MAML2: variants seen among roughly 807,000 people sequenced by gnomAD.
MAML2 encodes mastermind like transcriptional coactivator 2, also known as mastermind-like protein 2.
In MAML2, 22 loss-of-function variants were observed where a neutral mutation model predicts 96.1. The observed-to-expected ratio is 0.23, with a 90% confidence interval of 0.16 to 0.33. The LOEUF (loss-of-function observed/expected upper bound fraction) is 0.33. Among genes scored for constraint, MAML2 ranks in the 10% least tolerant of loss-of-function variants. MAML2 has a pLI of 1.00. For synonymous variants in MAML2, 561 were observed against 521.3 expected (o/e 1.08, Z -1.04); for missense variants, 1,367 against 1,392.4 (o/e 0.98, Z 0.29).
chr11:96,302,683 CTT>C (rs1406716989), intron 1 of MAML2, among the ~76,000 whole-genome samples: 11 of 152,280 alleles, frequency 7.2e-5, no homozygotes, highest in South Asian at 2.1e-4. Flanking sequence ...TATTTTCAGA[CTT>C]TTCTTGGGTT....
chr11:96,227,881 C>G (rs181335257), intron 1 of MAML2, among the ~76,000 whole-genome samples: 1 of 152,144 alleles, frequency 6.6e-6, no homozygotes, highest in Non-Finnish European at 1.5e-5. Flanking sequence ...GCAAGCAGAT[C>G]GCTTCAGCCC....
intron 2 of MAML2, among the ~76,000 whole-genome samples, chr11:95,996,572 T>C (rs919193036): frequency 6.6e-6 from 1 of 152,174 alleles, no homozygotes; most frequent in African/African-American, 2.4e-5. Context: ...TTGTAAAAGA[T>C]TTTTAAATCT....
chr11:96,321,026 C>G (rs1423536865), intron 1 of MAML2, among the ~76,000 whole-genome samples: 1 of 151,724 alleles, frequency 6.6e-6, no homozygotes, highest in African/African-American at 2.4e-5. Context: ...CAGCAACATG[C>G]CTTCAAATAG....
chr11:96,029,280 C>T (rs1858574014), intron 2 of MAML2, among the ~76,000 whole-genome samples: 1 of 151,310 alleles, frequency 6.6e-6, no homozygotes, highest in African/African-American at 2.4e-5. Context: ...TTAACTGGTG[C>T]TCATCTTGTT....
intron 1 of MAML2, among the ~76,000 whole-genome samples, chr11:96,217,715 G>A (rs886826758): frequency 4.6e-5 from 7 of 152,170 alleles, no homozygotes; most frequent in Admixed American, 3.9e-4. Flanking sequence ...TGGAGTGAAC[G>A]CCTTTTGAAA....
intron 3 of MAML2, among the ~76,000 whole-genome samples, chr11:95,991,204 C>G (rs1857904322): frequency 6.6e-6 from 1 of 152,060 alleles, no homozygotes; most frequent in African/African-American, 2.4e-5. Context: ...CTGTTTCTGC[C>G]CCTTAAGCCT....
At chr11:96,133,032 T>C (rs1398066594) in intron 1 of MAML2, among the ~76,000 whole-genome samples, 3 of 152,204 alleles carry the variant, frequency 2.0e-5, no homozygotes. Flanking sequence ...TCTCATTCAA[T>C]AATATATAGT....
chr11:96,140,164 G>C lies in MAML2; in HGVS notation c.514-46647C>G, dbSNP rs1336611131. 4.6e-5 allele frequency among the ~76,000 whole-genome samples: 7 copies of C among 152,194 alleles called. No homozygotes were observed. In the South Asian group the frequency reaches 6.2e-4, roughly 14 times the overall value. ...GTTATTAGTGCCCAGGCATTGGCAT[G>C]GTTCATCTGGTACTCCATTAGACTT... On this transcript the variant is annotated intron_variant, in intron 1 of 4. Coordinates refer to ENST00000524717, the MANE Select transcript of MAML2 (RefSeq NM_032427.4).
At chr11:96,315,334 A>G (rs1001950075) in intron 1 of MAML2, among the ~76,000 whole-genome samples, 4 of 152,168 alleles carry the variant, frequency 2.6e-5, no homozygotes, top group Admixed American at 2.0e-4. Context: ...TCCCTAAATA[A>G]TCCATTTTGG....
At chr11:96,070,212 C>A (rs1360479069) in intron 2 of MAML2, among the ~76,000 whole-genome samples, 1 of 151,952 alleles carries the variant, frequency 6.6e-6, no homozygotes. Context: ...ATGGCGTGAA[C>A]CCGGAAGGCA....
intron 1 of MAML2, among the ~76,000 whole-genome samples, chr11:96,118,313 C>A (rs2155229): frequency 1.3e-4 from 20 of 152,062 alleles, no homozygotes; most frequent in African/African-American, 4.6e-4. Context: ...TTGTAATCCC[C>A]ATGGTGATTG....
intron 2 of MAML2, among the ~76,000 whole-genome samples, chr11:96,075,248 C>T (rs527650988): frequency 6.6e-6 from 1 of 152,282 alleles, no homozygotes; most frequent in South Asian, 2.1e-4. Flanking sequence ...TGGTAGCAAA[C>T]TTGAAATGTA....
rs889814469 is a variant in MAML2, at chr11:95,978,359, A to C, written c.*589T>G. ...GGGAAAATTGTAAAAGTGAGGAGTG[A>C]ATATGGGGAAGAAATTCTGTAATCC... On this transcript the variant is annotated 3_prime_UTR_variant, in exon 5 of 5. Transcript: ENST00000524717. The C allele has an allele frequency of 5.1e-6, 1 of 197,542 alleles. No individual in the cohort carries two copies. The highest frequency in any genetic ancestry group is 1.9e-4 in the South Asian group (1 of 5,210). The allele number at this position is 197,542 out of a possible 1,614,324, so 12.2% of individuals were successfully genotyped here. A position where few individuals can be genotyped will look rare whatever the true frequency, so the allele number is the denominator to read the frequency against.
intron 1 of MAML2, among the ~76,000 whole-genome samples, chr11:96,277,917 C>CTTT (rs55884794): frequency 2.8e-5 from 4 of 142,394 alleles, no homozygotes; most frequent in Admixed American, 7.0e-5. Context: ...TCTGTGGGAA[C>CTTT]TTTTTTTTTT....
intron 1 of MAML2, among the ~76,000 whole-genome samples, chr11:96,219,870 C>T (rs910537834): frequency 6.6e-6 from 1 of 152,120 alleles, no homozygotes; most frequent in Non-Finnish European, 1.5e-5. Flanking sequence ...GTGATCTGCC[C>T]ACCTCGGCCT....
intron 1 of MAML2, among the ~76,000 whole-genome samples, chr11:96,323,919 G>A (rs1591132839): frequency 6.6e-6 from 1 of 152,350 alleles, no homozygotes; most frequent in East Asian, 1.9e-4. Context: ...GGCTCTACGT[G>A]TTCAAGCACT....
At chr11:96,243,333 G>T (rs540256607) in intron 1 of MAML2, among the ~76,000 whole-genome samples, 170 of 152,304 alleles carry the variant, frequency 1.1e-3, no homozygotes, top group African/African-American at 3.9e-3. Context: ...GGGGAGGCGG[G>T]GTTGGCTGTC....
intron 3 of MAML2, among the ~76,000 whole-genome samples, chr11:95,988,346 C>T (rs571354456): frequency 1.2e-4 from 18 of 151,578 alleles, no homozygotes; most frequent in African/African-American, 3.9e-4. Flanking sequence ...GCAACCTCTG[C>T]CTCCCAGGTT....
rs578065284 is a variant in MAML2 at position 95,994,373 on chromosome 11, A to G, written c.2140-2650T>C. On this transcript the variant is annotated intron_variant, in intron 2 of 4. Coordinates refer to ENST00000524717, the MANE Select transcript of MAML2 (RefSeq NM_032427.4). ...ACTTTAAATCCATCATGAATTTCGGAGACTTCACCGCCTGTGTTCTATAAG... is the reference window on the plus strand; with the variant it reads ...ACTTTAAATCCATCATGAATTTCGGGGACTTCACCGCCTGTGTTCTATAAG... Among the ~76,000 whole-genome samples, 356 of 152,296 alleles carry G rather than the reference A, an allele frequency of 2.3e-3. 2 individuals are homozygous for G. Among genetic ancestry groups the G allele is most frequent in the African/African-American group, 8.3e-3 (344 of 41,552 alleles).
Sources: gnomAD v4.1 joint callset for allele counts (sites outside exome capture counted in the v4.1 genomes callset) on GRCh38, gnomAD v4.1.1 for gene constraint, MANE v1.5 for transcripts, NCBI Gene and HGNC (gene_info 2026-07-23, HGNC 2026-07-21) for gene names.